SLIT3: variants seen among roughly 807,000 people sequenced by gnomAD.
SLIT3 encodes slit homolog 3 protein.
Under a neutral mutation model 184.0 loss-of-function variants are expected in SLIT3, and 68 were observed. The ratio of observed to expected loss-of-function variants is 0.37; its 90% CI spans 0.30 to 0.45. The LOEUF is 0.45. Ranked by LOEUF, SLIT3 falls within the 20% of genes least tolerant of loss-of-function variation. SLIT3 has a pLI of 1.00. For missense variants in SLIT3, 1,707 were observed against 2,026.0 expected (o/e 0.84, Z 3.02); for synonymous variants, 831 against 828.6 (o/e 1.00, Z -0.05).
At chr5:168,795,431 G>A (rs1319817993) in intron 10 of SLIT3, 76 bp downstream of exon 10, 1 of 1,069,648 alleles carries the variant, frequency 9.3e-7, no homozygotes, top group Non-Finnish European at 1.5e-6. Flanking sequence ...CACCTGGACA[G>A]GTTGCCCACT....
intron 4 of SLIT3, among the ~76,000 whole-genome samples, chr5:168,966,838 G>C (rs1763212423): frequency 6.6e-6 from 1 of 152,150 alleles, no homozygotes; most frequent in Admixed American, 6.5e-5. Context: ...GAAAGAGACA[G>C]GTGCTCTCAT....
chr5:168,887,501 G>A (rs1308998784), intron 4 of SLIT3, among the ~76,000 whole-genome samples: 2 of 152,276 alleles, frequency 1.3e-5, no homozygotes, highest in East Asian at 3.9e-4. Flanking sequence ...CAGTGGGGTT[G>A]TTAGTTTTAC....
rs750789253 is a variant in SLIT3, at chr5:168,671,449, G to C, written c.3876C>G (p.Arg1292=). Residue 1292 remains arginine, a synonymous_variant, in exon 34 of 36, where the codon CGC becomes CGG. Coordinates refer to ENST00000519560, the MANE Select transcript of SLIT3 (RefSeq NM_003062.4). ...CGCCTAGAGGCCGGTCCGTGCCCTG[G>C]CGCAAGGCAGAGAGGCCGGTGGAGG... is the stretch of plus-strand genomic sequence containing the variant. ...IPTSTGLSAL[R]QGTDRPLGGF... is the part of the protein sequence containing the mutation. 7 of 1,613,168 alleles carry C rather than the reference G, an allele frequency of 4.3e-6. No individual in the cohort carries two copies. The highest frequency in any genetic ancestry group is 5.9e-6 in the Non-Finnish European group (7 of 1,179,770).
At chr5:168,716,331 T>A (rs1762730065) in intron 23 of SLIT3, among the ~76,000 whole-genome samples, 1 of 152,070 alleles carries the variant, frequency 6.6e-6, no homozygotes. Flanking sequence ...TTCAGTTATC[T>A]GAGTTGATAA....
chr5:169,136,146 C>A (rs574075513), intron 4 of SLIT3, among the ~76,000 whole-genome samples: 1 of 152,244 alleles, frequency 6.6e-6, no homozygotes, highest in East Asian at 1.9e-4. Context: ...AGTCAGAAGC[C>A]AGCTTGAGGG....
chr5:168,683,498 G>C (rs1018951675), intron 32 of SLIT3, among the ~76,000 whole-genome samples: 1 of 152,194 alleles, frequency 6.6e-6, no homozygotes, highest in African/African-American at 2.4e-5. Flanking sequence ...CTGAAGTTTA[G>C]GAAAAGCTGC....
chr5:169,272,429 G>A lies in SLIT3; in HGVS notation c.198-20970C>T, dbSNP rs998504117. Among the ~76,000 whole-genome samples the A allele has an allele frequency of 1.3e-5, 2 of 152,182 alleles. 1 individual carries two copies. Among genetic ancestry groups the A allele is most frequent in the South Asian group, 4.1e-4 (2 of 4,824 alleles). ...TTATATTACCTGTCTGGCCCAGGTAGGTAATTGGATCTAACTGCAGACTTC... is the reference window on the plus strand; with the variant it reads ...TTATATTACCTGTCTGGCCCAGGTAAGTAATTGGATCTAACTGCAGACTTC... On this transcript the variant is annotated intron_variant, in intron 1 of 35. Transcript: ENST00000519560.
chr5:169,285,154 T>A (rs1767112672), intron 1 of SLIT3, among the ~76,000 whole-genome samples: 1 of 152,180 alleles, frequency 6.6e-6, no homozygotes, highest in Non-Finnish European at 1.5e-5. Flanking sequence ...TAGGCTCAAC[T>A]GATCCTCCCA....
chr5:168,856,809 G>GCGCGCGCA lies in SLIT3; in HGVS notation c.486-12155_486-12154insTGCGCGCG, dbSNP rs71310052. ...TGTGTGTGTGTGTGTGTGTGTGTGC[G>GCGCGCGCA]CGCGCGCGCACGCCTTTGTTCAGAC... On this transcript the variant is annotated intron_variant, in intron 5 of 35. Coordinates refer to ENST00000519560, the MANE Select transcript of SLIT3 (RefSeq NM_003062.4). 7.5e-3 allele frequency among the ~76,000 whole-genome samples: 1,090 copies of GCGCGCGCA among 145,400 alleles called. 8 individuals carry two copies. The highest frequency in any genetic ancestry group is 0.013 in the Non-Finnish European group (848 of 64,590).
intron 4 of SLIT3, among the ~76,000 whole-genome samples, chr5:168,954,636 C>T (rs1762761122): frequency 6.6e-6 from 1 of 152,156 alleles, no homozygotes; most frequent in African/African-American, 2.4e-5. Flanking sequence ...GTAGCCTTTC[C>T]AACGTCATTT....
intron 14 of SLIT3, among the ~76,000 whole-genome samples, chr5:168,763,949 C>T (rs78418739): frequency 1.7e-3 from 257 of 152,316 alleles, no homozygotes; most frequent in African/African-American, 5.9e-3. Flanking sequence ...CTAGGTGAGG[C>T]AACTTGGTGA....
At chr5:169,217,106 G>C (rs1048441205) in intron 3 of SLIT3, among the ~76,000 whole-genome samples, 1 of 142,068 alleles carries the variant, frequency 7.0e-6, no homozygotes, top group South Asian at 2.2e-4. Flanking sequence ...GTGACAACTC[G>C]TTTGGACAAG....
At chr5:169,005,471 T>C (rs1158461704) in intron 4 of SLIT3, among the ~76,000 whole-genome samples, 1 of 152,212 alleles carries the variant, frequency 6.6e-6, no homozygotes, top group East Asian at 1.9e-4. Flanking sequence ...TTATAACCAG[T>C]GTGGTTGCTA....
At position 168,931,692 on chromosome 5, in the gene SLIT3, T is replaced by A. The variant is rs1287294850; in HGVS notation, c.414-48356A>T. Among the ~76,000 whole-genome samples, 3 of 152,222 alleles carry A rather than the reference T, an allele frequency of 2.0e-5. No homozygotes were observed. The East Asian group carries it at 5.8e-4, about 29-fold the overall frequency. ...TGCAGGCCCAGCCTCCCAGCTTTCA[T>A]AGCTCTGTCCCTACATTGTGCTAAG... On this transcript the variant is annotated intron_variant, in intron 4 of 35. Transcript: ENST00000519560.
In SLIT3 at chr5:168,808,918, C is replaced by CAAAAGGAGA. The variant is rs1157203297; in HGVS notation, c.794-2332_794-2331insTCTCCTTTT. On this transcript the variant is annotated intron_variant, in intron 8 of 35. Transcript: ENST00000519560. ...CACATCAAAAGGAGAGCACACCTGA[C>CAAAAGGAGA]AAAGCCAGGGAGAAGTCCCACACTT... Among the ~76,000 whole-genome samples the CAAAAGGAGA allele has an allele frequency of 1.8e-4, 28 of 152,236 alleles. 2 individuals are homozygous for CAAAAGGAGA. The highest frequency in any genetic ancestry group is 6.5e-4 in the African/African-American group (27 of 41,536).
In SLIT3 at chr5:168,883,305, G is replaced by A. The variant is rs2113790365; in HGVS notation, c.445C>T (p.Pro149Ser). 1 of 1,614,066 alleles carries A rather than the reference G, an allele frequency of 6.2e-7. No individual in the cohort carries two copies. The highest frequency in any genetic ancestry group is 2.2e-5 in the East Asian group (1 of 44,868). ...GTGATGCCGCGGAACGCCTTCCTCG[G>A]GATCCCCTGGATCTGGTTTTCACTC... ...DLSENQIQGIPRKAFRGITDV... is the reference protein window; with the variant it reads ...DLSENQIQGISRKAFRGITDV... The change falls in exon 5 of 36, where the codon CCG (proline) becomes TCG (serine). Residue 149 changes from proline (P) to serine (S), a missense_variant. By Grantham distance (74) the Pro-to-Ser change is moderately conservative (BLOSUM62 -1). Transcript: ENST00000519560.
Position 169,257,281 on chromosome 5 carries a change from C to T in SLIT3, c.198-5822G>A, listed in dbSNP as rs1301095218. Among the ~76,000 whole-genome samples the T allele has an allele frequency of 3.9e-5, 6 of 152,146 alleles. No individual in the cohort carries two copies. The South Asian group carries it at 1.2e-3, about 32-fold the overall frequency. ...GGATTCAGTAGATACACTGGAGGATCCCAGGGATGGGAAACTGAAAGAACC... is the reference window on the plus strand; with the variant it reads ...GGATTCAGTAGATACACTGGAGGATTCCAGGGATGGGAAACTGAAAGAACC... On this transcript the variant is annotated intron_variant, in intron 1 of 35. Coordinates refer to ENST00000519560, the MANE Select transcript of SLIT3 (RefSeq NM_003062.4).
intron 4 of SLIT3, among the ~76,000 whole-genome samples, chr5:168,919,988 CT>C (rs907518173): frequency 4.2e-4 from 64 of 152,238 alleles, no homozygotes; most frequent in African/African-American, 1.4e-3. Context: ...AGATATAGTA[CT>C]AAGTTATTTA....
chr5:168,712,578 C>T (rs1200029211), intron 23 of SLIT3: 8 of 543,328 alleles, frequency 1.5e-5, no homozygotes, highest in Non-Finnish European at 2.3e-5. Context: ...AGGGGGTGGA[C>T]TTTTCAATCT....
Sources: allele counts gnomAD v4.1 joint callset (sites outside exome capture counted in the v4.1 genomes callset), GRCh38; gene constraint gnomAD v4.1.1; transcripts MANE v1.5; gene names NCBI Gene and HGNC (gene_info 2026-07-23, HGNC 2026-07-21).